Variants in DYSF observed in about 807,000 individuals in gnomAD.
The protein encoded by DYSF is dystrophy-associated fer-1-like 1.
In DYSF, 212 loss-of-function variants were observed where a neutral mutation model predicts 274.9. That is an observed-to-expected ratio of 0.77 (90% CI 0.69 to 0.86). The LOEUF is 0.86. DYSF is among the 40% of genes least tolerant of loss of function. The pLI is 0.00. For synonymous variants in DYSF, 1,091 were observed against 1,078.7 expected (o/e 1.01, Z -0.22); for missense variants, 2,666 against 2,783.2 (o/e 0.96, Z 0.95).
intron 42 of DYSF, among the ~76,000 whole-genome samples, chr2:71,651,126 G>A (rs981376283): frequency 1.3e-5 from 2 of 151,800 alleles, no homozygotes; most frequent in African/African-American, 2.4e-5. Flanking sequence ...AATTCAAGAA[G>A]CTAGAATAAT....
chr2:71,497,518 C>T (rs1480233079), intron 3 of DYSF, among the ~76,000 whole-genome samples: 1 of 152,214 alleles, frequency 6.6e-6, no homozygotes, highest in Non-Finnish European at 1.5e-5. Flanking sequence ...CCCCTTCCCC[C>T]ATGATTGTAA....
At position 71,601,538 on chromosome 2, in the gene DYSF, G is replaced by C. The variant is rs886056282; in HGVS notation, c.3927+10G>C. 5.6e-6 allele frequency: 9 copies of C among 1,614,158 alleles called. No homozygotes were observed. The highest frequency in any genetic ancestry group is 6.8e-6 in the Non-Finnish European group (8 of 1,180,030). On this transcript the variant is annotated intron_variant, in intron 35 of 55. Transcript: ENST00000410020. ...TATTCCTGGTTTTGAGGTAAGTCTT[G>C]CTCTGACCTTTCCTTCTTCAAACTG... is the stretch of plus-strand genomic sequence containing the variant.
intron 30 of DYSF, among the ~76,000 whole-genome samples, chr2:71,584,482 C>T (rs1267935107): frequency 6.6e-6 from 1 of 152,170 alleles, no homozygotes; most frequent in East Asian, 1.9e-4. Flanking sequence ...CCACATTAAT[C>T]CCTTTTTCCA....
chr2:71,664,176 A>C, intron 45 of DYSF, 92 bp from the exon 46 acceptor site: 1 of 1,528,550 alleles, frequency 6.5e-7, no homozygotes, highest in Non-Finnish European at 9.0e-7. Context: ...AGGAAAGAAG[A>C]CTCCCTGGGG....
At chr2:71,509,979 T>C (rs2152726340) in intron 4 of DYSF, among the ~76,000 whole-genome samples, 1 of 152,298 alleles carries the variant, frequency 6.6e-6, no homozygotes, top group East Asian at 1.9e-4. Flanking sequence ...GGTTTCACCA[T>C]GTTGGCCAGG....
At chr2:71,480,727 T>TGG (rs2082813161) in intron 1 of DYSF, among the ~76,000 whole-genome samples, 156 bp from the exon 2 acceptor site, 1 of 152,162 alleles carries the variant, frequency 6.6e-6, no homozygotes, top group African/African-American at 2.4e-5. Flanking sequence ...CATTGGGGAT[T>TGG]CATTGCAGAC....
upstream of DYSF, among the ~76,000 whole-genome samples, chr2:71,464,073 A>G (rs1234094146): frequency 6.6e-6 from 1 of 152,120 alleles, no homozygotes; most frequent in African/African-American, 2.4e-5. Context: ...TGCTCATCCT[A>G]GCTCTGTCCT....
intron 22 of DYSF, among the ~76,000 whole-genome samples, chr2:71,558,079 G>C (rs544697963): frequency 3.3e-5 from 5 of 152,154 alleles, no homozygotes; most frequent in African/African-American, 1.2e-4. Flanking sequence ...AGGAAACTGA[G>C]GCACAGAGAG....
intron 36 of DYSF, among the ~76,000 whole-genome samples, chr2:71,608,335 T>A (rs1359638201): frequency 6.6e-6 from 1 of 151,558 alleles, no homozygotes; most frequent in Non-Finnish European, 1.5e-5. Context: ...TGTGAAAAAT[T>A]GGGGAGGAGC....
chr2:71,533,997 C>T (rs2089033188), intron 14 of DYSF, among the ~76,000 whole-genome samples: 1 of 152,104 alleles, frequency 6.6e-6, no homozygotes, highest in Non-Finnish European at 1.5e-5. Flanking sequence ...CTAACTAACA[C>T]AAGGGCCAAA....
At position 71,521,226 on chromosome 2, in the gene DYSF, T is replaced by G. The variant is rs539879245; in HGVS notation, c.1149+322T>G. Among the ~76,000 whole-genome samples the G allele has an allele frequency of 9.2e-5, 14 of 152,334 alleles. No homozygotes were observed. The South Asian group carries it at 2.9e-3, about 32-fold the overall frequency. ...TATTCTATATATATTATATTGTGAC[T>G]TGAATTTCATGGCCTAAGAATGTAT... is the stretch of plus-strand genomic sequence containing the variant. On this transcript the variant is annotated intron_variant, in intron 12 of 55. Transcript: ENST00000410020.
chr2:71,545,618 C>T (rs1200132924), intron 17 of DYSF, among the ~76,000 whole-genome samples: 1 of 152,212 alleles, frequency 6.6e-6, no homozygotes, highest in South Asian at 2.1e-4. Flanking sequence ...ACCTCGTCTT[C>T]AGTTTTCTGA....
chr2:71,495,778 G>T (rs1328886101), intron 3 of DYSF, among the ~76,000 whole-genome samples: 1 of 152,098 alleles, frequency 6.6e-6, no homozygotes, highest in Non-Finnish European at 1.5e-5. Flanking sequence ...TGACATAGGG[G>T]AAGGCCCGGA....
chr2:71,628,256 C>T (rs950651064), intron 41 of DYSF, among the ~76,000 whole-genome samples: 7 of 152,002 alleles, frequency 4.6e-5, no homozygotes, highest in African/African-American at 1.4e-4. Context: ...TTTATATCTT[C>T]CTCCAGAATA....
At chr2:71,677,073 C>A (rs530096398) in intron 52 of DYSF, among the ~76,000 whole-genome samples, 1 of 151,808 alleles carries the variant, frequency 6.6e-6, no homozygotes, top group Non-Finnish European at 1.5e-5. Flanking sequence ...AGATGAATGC[C>A]GATATACAGT....
chr2:71,633,100 C>T (rs927920717), intron 41 of DYSF, among the ~76,000 whole-genome samples: 1 of 152,166 alleles, frequency 6.6e-6, no homozygotes, highest in Admixed American at 6.5e-5. Flanking sequence ...AGGTTGAAAG[C>T]CCAGTGTTCC....
chr2:71,581,033 T>A (rs1206794272), intron 30 of DYSF, among the ~76,000 whole-genome samples: 1 of 152,212 alleles, frequency 6.6e-6, no homozygotes. Flanking sequence ...CTGTCCAGTC[T>A]GGAACACTAT....
intron 1 of DYSF, chr2:71,454,157 C>T: frequency 7.1e-7 from 1 of 1,417,678 alleles, no homozygotes; most frequent in South Asian, 1.2e-5. Flanking sequence ...GCTCTCAACC[C>T]TGGAGAGCAC....
intron 22 of DYSF, 42 bp from the exon 23 acceptor site, chr2:71,561,710 C>T (rs1241766354): frequency 6.2e-7 from 1 of 1,612,578 alleles, no homozygotes; most frequent in Non-Finnish European, 8.5e-7. Flanking sequence ...CTGGGAGAGC[C>T]CTGGGCTCAT....
Sources: gnomAD v4.1 joint callset for allele counts (sites outside exome capture counted in the v4.1 genomes callset) on GRCh38, gnomAD v4.1.1 for gene constraint, MANE v1.5 for transcripts, NCBI Gene and HGNC (gene_info 2026-07-23, HGNC 2026-07-21) for gene names.